YKT6: variants seen among roughly 807,000 people sequenced by gnomAD.
YKT6 encodes the protein synaptobrevin homolog YKT6.
A neutral mutation model predicts 29.3 loss-of-function variants in YKT6; 12 were observed. The observed-to-expected ratio is 0.41, with a 90% CI of 0.26 to 0.66. The LOEUF (loss-of-function observed/expected upper bound fraction) is 0.66, where lower values mean the gene tolerates loss of function less well. YKT6 is among the 30% of genes least tolerant of loss of function. The pLI is 0.32. For missense variants in YKT6, 188 were observed against 243.8 expected, an observed-to-expected ratio of 0.77 and a Z score of 1.52; for synonymous variants, 86 against 94.3, an observed-to-expected ratio of 0.91 and a Z score of 0.51.
intron 5 of YKT6, among the ~76,000 whole-genome samples, chr7:44,210,156 G>A (rs777694093): frequency 6.6e-5 from 10 of 152,042 alleles, no homozygotes; most frequent in Admixed American, 5.2e-4. Context: ...TACTCAGAGC[G>A]CTGCTCAGTT....
chr7:44,207,606 T>A (rs779427854), intron 4 of YKT6, 114 bp downstream of exon 4: 12 of 849,818 alleles, frequency 1.4e-5, no homozygotes, highest in Non-Finnish European at 2.1e-5. Flanking sequence ...CTTCTGATGC[T>A]GGTGTCCTCT....
intron 1 of YKT6, among the ~76,000 whole-genome samples, 200 bp downstream of exon 1, chr7:44,201,439 G>C (rs1163691590): frequency 6.8e-6 from 1 of 146,356 alleles, no homozygotes; most frequent in Non-Finnish European, 1.5e-5. Flanking sequence ...GGTGGGGAGG[G>C]CCCGGGGTCT....
intron 5 of YKT6, among the ~76,000 whole-genome samples, chr7:44,209,005 C>CGCCT (rs2096343915): frequency 2.0e-5 from 3 of 152,182 alleles, no homozygotes; most frequent in Non-Finnish European, 1.5e-5. Flanking sequence ...CACACACAGG[C>CGCCT]GCCTGAAGGT....
chr7:44,209,691 C>T (rs144844328), intron 5 of YKT6, among the ~76,000 whole-genome samples: 70 of 152,314 alleles, frequency 4.6e-4, no homozygotes, highest in Middle Eastern at 3.4e-3. Context: ...TGTTCTATGG[C>T]GCTTCATGTG....
At position 44,201,157 on chromosome 7, in the gene YKT6, G is replaced by C; in HGVS notation, c.22G>C (p.Val8Leu). 1 of 1,609,970 alleles carries C rather than the reference G, an allele frequency of 6.2e-7. No individual in the cohort carries two copies. The highest frequency in any genetic ancestry group is 8.5e-7 in the Non-Finnish European group (1 of 1,178,106). The change falls in exon 1 of 7, where the codon GTC becomes CTC. Residue 8 changes from valine (V) to leucine (L), a missense_variant. Physicochemically the swap from Val to Leu is conservative, Grantham distance 32. Around this residue, in one of 3 missense-constraint regions of YKT6, gnomAD observed 71 missense variants for 67.3 expected, o/e 1.05. Coordinates refer to ENST00000223369, the MANE Select transcript of YKT6 (RefSeq NM_006555.4). MKLYSLS[V>L]LYKGEAKVVL... ...AGCCATGAAGCTGTACAGCCTCAGC[G>C]TCCTCTACAAAGGCGAGGCCAAGGT...
At chr7:44,210,634 C>A in intron 5 of YKT6, 1 of 356,518 alleles carries the variant, frequency 2.8e-6, no homozygotes. Context: ...CATATAGTGC[C>A]CAGCTACTCT....
Position 44,201,057 on chromosome 7 carries a change from C to G in YKT6, c.-79C>G. On this transcript the variant is annotated 5_prime_UTR_variant, in exon 1 of 7. Coordinates refer to ENST00000223369, the MANE Select transcript of YKT6 (RefSeq NM_006555.4). ...TGAGAGGCCGGTAGGCGGCGGCGGT[C>G]CCGAGGGGCGGCGGCCGCGCTGCTC... The G allele has an allele frequency of 7.6e-7, 1 of 1,309,266 alleles. No individual in the cohort carries two copies. The highest frequency in any genetic ancestry group is 1.0e-6 in the Non-Finnish European group (1 of 974,978). 81.1% of individuals were successfully genotyped at this position (1,309,266 alleles called of 1,614,324 possible). A position where few individuals can be genotyped will look rare whatever the true frequency, so the allele number is the denominator to read the frequency against.
chr7:44,210,722 GTATATA>G, intron 5 of YKT6: 1 of 440,106 alleles, frequency 2.3e-6, no homozygotes. Flanking sequence ...AAATGTGTGT[GTATATA>G]TATATATGAG....
chr7:44,207,769 C>T lies in YKT6; in HGVS notation c.393+277C>T, dbSNP rs148487570. Among the ~76,000 whole-genome samples, 1,309 of 151,344 alleles carry T rather than the reference C, an allele frequency of 8.6e-3. 6 individuals are homozygous for T. The highest frequency in any genetic ancestry group is 0.013 in the Non-Finnish European group (888 of 67,580). On this transcript the variant is annotated intron_variant, in intron 4 of 6. Coordinates refer to ENST00000223369, the MANE Select transcript of YKT6 (RefSeq NM_006555.4). ...TGAGTTGGAGTCTCACTCTGTTTCC[C>T]AGGCTGGAGTGCAGTGGCGCAATCT...
intron 1 of YKT6, among the ~76,000 whole-genome samples, chr7:44,203,541 C>A (rs1216349195): frequency 1.3e-5 from 2 of 152,212 alleles, no homozygotes; most frequent in African/African-American, 4.8e-5. Flanking sequence ...CTCTTTATAG[C>A]CGTGTCTCAA....
intron 6 of YKT6, 22 bp from the exon 7 acceptor site, chr7:44,212,225 C>T: frequency 1.2e-6 from 2 of 1,614,094 alleles, no homozygotes; most frequent in Non-Finnish European, 1.7e-6. Flanking sequence ...TCCTTCTCAG[C>T]TCCTCTTTGT....
At chr7:44,206,321 G>T in intron 2 of YKT6, 64 bp from the exon 3 acceptor site, 1 of 1,520,288 alleles carries the variant, frequency 6.6e-7, no homozygotes, top group Non-Finnish European at 9.1e-7. Flanking sequence ...TTGATTTGGG[G>T]GGATTAAAAG....
intron 1 of YKT6, 84 bp from the exon 2 acceptor site, chr7:44,204,484 A>G: frequency 7.6e-7 from 1 of 1,319,496 alleles, no homozygotes; most frequent in Non-Finnish European, 1.1e-6. Flanking sequence ...TGTCTACTTA[A>G]TGTATAAGCC....
intron 5 of YKT6, 94 bp from the exon 6 acceptor site, chr7:44,210,929 C>A: frequency 1.5e-6 from 2 of 1,319,828 alleles, no homozygotes; most frequent in East Asian, 2.4e-5. Flanking sequence ...GAGAGGAACC[C>A]AGGTAAGGCA....
At chr7:44,201,915 A>G (rs927729554) in intron 1 of YKT6, among the ~76,000 whole-genome samples, 1 of 152,258 alleles carries the variant, frequency 6.6e-6, no homozygotes, top group Non-Finnish European at 1.5e-5. Flanking sequence ...CTAGTGGTAC[A>G]AAAGGATTCC....
intron 5 of YKT6, among the ~76,000 whole-genome samples, chr7:44,209,935 C>G (rs2096344793): frequency 6.6e-6 from 1 of 152,012 alleles, no homozygotes. Context: ...ATATTTGGGG[C>G]ATGTGTGTAA....
intron 6 of YKT6, 78 bp from the exon 7 acceptor site, chr7:44,212,169 T>C (rs1583651375): frequency 1.3e-6 from 2 of 1,581,660 alleles, no homozygotes. Flanking sequence ...TGGAGCTCCC[T>C]CTGCCACGCC....
At chr7:44,206,966 A>G (rs1245406770) in intron 3 of YKT6, among the ~76,000 whole-genome samples, 1 of 152,154 alleles carries the variant, frequency 6.6e-6, no homozygotes, top group Non-Finnish European at 1.5e-5. Context: ...GCTTCATCCT[A>G]TACCCCAGAG....
Position 44,201,198 on chromosome 7 carries a change from C to T in YKT6, c.63C>T (p.Ala21=), listed in dbSNP as rs770454706. 3.1e-6 allele frequency: 5 copies of T among 1,612,720 alleles called. No homozygotes were observed. In the South Asian group the frequency reaches 3.3e-5, roughly 11 times the overall value. Residue 21 remains alanine (A), a synonymous_variant, in exon 1 of 7, where the codon GCC becomes GCT. Transcript: ENST00000223369. ...KGEAKVVLLK[A]AYDVSSFSFF... ...AGGCCAAGGTGGTGCTGCTCAAAGC[C>T]GCATACGATGTGTCTTCCTTCAGCT...
Sources: allele counts gnomAD v4.1 joint callset (sites outside exome capture counted in the v4.1 genomes callset), GRCh38; gene constraint gnomAD v4.1.1; regional missense constraint gnomAD v4.1.1; transcripts MANE v1.5; gene names NCBI Gene and HGNC (gene_info 2026-07-23, HGNC 2026-07-21).